DISC1: variants seen among roughly 807,000 people sequenced by gnomAD.
DISC1 encodes the protein disrupted in schizophrenia 1 protein.
DISC1 carries 57 observed loss-of-function variants against 84.5 expected under a neutral mutation model. That is an observed-to-expected ratio of 0.67 (90% CI 0.55 to 0.84). DISC1 has a LOEUF of 0.84. Ranked by LOEUF, DISC1 falls within the 40% of genes least tolerant of loss-of-function variation. The pLI is 0.00. For missense variants in DISC1, 1,000 were observed against 1,057.8 expected (o/e 0.95, Z 0.76); for synonymous variants, 411 against 415.2 (o/e 0.99, Z 0.12).
chr1:231,730,071 G>A (rs949998977), intron 3 of DISC1, among the ~76,000 whole-genome samples: 5 of 152,192 alleles, frequency 3.3e-5, no homozygotes, highest in Non-Finnish European at 5.9e-5. Context: ...TGTAGTTTTT[G>A]AGCACTGACA....
At chr1:231,713,295 G>C (rs1016425053) in intron 3 of DISC1, among the ~76,000 whole-genome samples, 1 of 152,124 alleles carries the variant, frequency 6.6e-6, no homozygotes, top group Non-Finnish European at 1.5e-5. Flanking sequence ...GGCAAAATAA[G>C]TGGACAGAAA....
chr1:231,780,527 T>C (rs2077335936), intron 6 of DISC1, among the ~76,000 whole-genome samples: 1 of 140,360 alleles, frequency 7.1e-6, no homozygotes, highest in East Asian at 2.1e-4. Context: ...CTGGAGAGGA[T>C]GTGGAGAAAT....
At chr1:231,837,823 T>C (rs1440982984) in intron 9 of DISC1, among the ~76,000 whole-genome samples, 1 of 152,192 alleles carries the variant, frequency 6.6e-6, no homozygotes, top group East Asian at 1.9e-4. Context: ...CCATTGTGGA[T>C]GTGGGTCATG....
intron 3 of DISC1, among the ~76,000 whole-genome samples, chr1:231,724,264 G>A (rs1210795462): frequency 6.6e-6 from 1 of 151,494 alleles, no homozygotes; most frequent in East Asian, 2.0e-4. Flanking sequence ...GGACCTAGAA[G>A]TTCCGGTTTT....
At chr1:231,904,989 A>C (rs763040134) in intron 9 of DISC1, among the ~76,000 whole-genome samples, 2 of 152,194 alleles carry the variant, frequency 1.3e-5, no homozygotes, top group Non-Finnish European at 2.9e-5. Flanking sequence ...AAACACACTG[A>C]AGGTTTGATG....
intron 9 of DISC1, among the ~76,000 whole-genome samples, chr1:231,851,565 C>G (rs1378846521): frequency 1.3e-5 from 2 of 152,200 alleles, no homozygotes; most frequent in Non-Finnish European, 2.9e-5. Flanking sequence ...AAGTGCAGAC[C>G]TGAAAGAAGA....
intron 9 of DISC1, among the ~76,000 whole-genome samples, chr1:231,831,890 G>C (rs573950344): frequency 8.3e-4 from 127 of 152,170 alleles, no homozygotes; most frequent in Middle Eastern, 3.4e-3. Flanking sequence ...TGATAGATGT[G>C]GAAGCTACTA....
At chr1:231,945,523 A>T (rs186933530) in intron 9 of DISC1, among the ~76,000 whole-genome samples, 2 of 152,356 alleles carry the variant, frequency 1.3e-5, no homozygotes, top group East Asian at 3.9e-4. Flanking sequence ...GAGATCTAAA[A>T]TTGACACCCT....
chr1:231,664,024 A>ATCTG (rs2061780017), intron 1 of DISC1, among the ~76,000 whole-genome samples: 1 of 140,642 alleles, frequency 7.1e-6, no homozygotes, highest in African/African-American at 2.8e-5. Flanking sequence ...ATATCTATCT[A>ATCTG]TCTATCCATC....
Position 231,664,035 on chromosome 1 carries a change from T to C in DISC1, c.68-29791T>C, listed in dbSNP as rs188188442. Among the ~76,000 whole-genome samples the C allele has an allele frequency of 8.1e-4, 103 of 127,454 alleles. 1 individual carries two copies. The East Asian group carries it at 0.016, about 20-fold the overall frequency. The allele number at this position is 127,454 out of a possible 152,430, so 83.6% of individuals were successfully genotyped here. A position where few individuals can be genotyped will look rare whatever the true frequency, so the allele number is the denominator to read the frequency against. ...TGCCATATCTATCTATCTATCCATCTATCTATCCATCCATCCATCCATCCA... is the reference window on the plus strand; with the variant it reads ...TGCCATATCTATCTATCTATCCATCCATCTATCCATCCATCCATCCATCCA... On this transcript the variant is annotated intron_variant, in intron 1 of 12. Transcript: ENST00000439617.
At chr1:231,936,681 A>G (rs2091000190) in intron 9 of DISC1, among the ~76,000 whole-genome samples, 1 of 152,186 alleles carries the variant, frequency 6.6e-6, no homozygotes, top group Non-Finnish European at 1.5e-5. Flanking sequence ...ACAGCTTATG[A>G]TGGTGGCTGA....
chr1:231,915,591 A>C (rs1191629310), intron 9 of DISC1, among the ~76,000 whole-genome samples: 3 of 152,184 alleles, frequency 2.0e-5, no homozygotes, highest in Non-Finnish European at 4.4e-5. Flanking sequence ...AGCCTGGCCA[A>C]CATGGTGAAA....
chr1:231,809,827 G>C (rs907329534), intron 8 of DISC1, among the ~76,000 whole-genome samples: 6 of 152,040 alleles, frequency 3.9e-5, no homozygotes, highest in African/African-American at 1.4e-4. Flanking sequence ...ACCCAACCAA[G>C]AAATATATAT....
intron 3 of DISC1, among the ~76,000 whole-genome samples, chr1:231,747,492 A>G (rs537758558): frequency 2.8e-4 from 42 of 152,308 alleles, no homozygotes; most frequent in Non-Finnish European, 5.4e-4. Flanking sequence ...AGTTTTCCCA[A>G]CACCATTTAT....
chr1:231,890,765 A>G (rs577704717), intron 9 of DISC1, among the ~76,000 whole-genome samples: 1 of 152,360 alleles, frequency 6.6e-6, no homozygotes, highest in African/African-American at 2.4e-5. Flanking sequence ...AAAAAGGATA[A>G]ATAAATGATA....
chr1:231,720,254 G>A (rs1056458264), intron 3 of DISC1, among the ~76,000 whole-genome samples: 1 of 152,118 alleles, frequency 6.6e-6, no homozygotes. Flanking sequence ...CCCCACTATA[G>A]TCTTTTGACT....
At chr1:232,026,902 G>C (rs1383394282) in intron 12 of DISC1, among the ~76,000 whole-genome samples, 1 of 151,112 alleles carries the variant, frequency 6.6e-6, no homozygotes, top group Non-Finnish European at 1.5e-5. Flanking sequence ...GTGCCCGCCA[G>C]CACGCCCAGC....
At chr1:231,670,180 AG>A (rs1195117186) in intron 1 of DISC1, among the ~76,000 whole-genome samples, 2 of 152,136 alleles carry the variant, frequency 1.3e-5, no homozygotes, top group Non-Finnish European at 2.9e-5. Context: ...GGACATATAG[AG>A]GGGAACAATG....
intron 2 of DISC1, among the ~76,000 whole-genome samples, chr1:231,697,990 C>G (rs1385410989): frequency 6.6e-6 from 1 of 152,138 alleles, no homozygotes; most frequent in Non-Finnish European, 1.5e-5. Context: ...TGCTCCTAAG[C>G]ATGAGAAGGC....
Sources: gnomAD v4.1 joint callset for allele counts (sites outside exome capture counted in the v4.1 genomes callset) on GRCh38, gnomAD v4.1.1 for gene constraint, MANE v1.5 for transcripts, NCBI Gene and HGNC (gene_info 2026-07-23, HGNC 2026-07-21) for gene names.